Variants in WDR76 observed in about 807,000 individuals in gnomAD.
WDR76 encodes the protein WD repeat-containing protein 76.
In WDR76, 52 loss-of-function variants were observed where a neutral mutation model predicts 70.2. That is an observed-to-expected ratio of 0.74 (90% CI 0.59 to 0.93). The LOEUF (loss-of-function observed/expected upper bound fraction) is 0.93, where lower values mean the gene tolerates loss of function less well. Ranked by LOEUF, WDR76 falls within the 40% of genes least tolerant of loss-of-function variation. The probability of loss-of-function intolerance (pLI) is 0.00; values close to 1 mark genes in which losing one functional copy is unlikely to be tolerated. For synonymous variants in WDR76, 292 were observed against 271.1 expected, an observed-to-expected ratio of 1.08 and a Z score of -0.76; for missense variants, 756 against 760.2, an observed-to-expected ratio of 0.99 and a Z score of 0.07.
At chr15:43,864,551 T>G (rs1180568404) in intron 12 of WDR76, among the ~76,000 whole-genome samples, 1 of 152,200 alleles carries the variant, frequency 6.6e-6, no homozygotes, top group Non-Finnish European at 1.5e-5. Context: ...TATCGTCTTT[T>G]GAGAAGTGTG....
intron 9 of WDR76, among the ~76,000 whole-genome samples, chr15:43,851,575 T>A (rs748049369): frequency 3.3e-5 from 5 of 152,222 alleles, no homozygotes; most frequent in Non-Finnish European, 4.4e-5. Flanking sequence ...GCTTGTTAAA[T>A]TTCTTTTTTT....
intron 10 of WDR76, chr15:43,857,594 C>G (rs534203691): frequency 1.1e-6 from 1 of 913,698 alleles, no homozygotes; most frequent in African/African-American, 1.8e-5. Context: ...CTGAGGCAGG[C>G]AGATCACTTG....
rs774216890 is a variant in WDR76, at chr15:43,858,742, A to T, written c.1481A>T (p.His494Leu). The T allele has an allele frequency of 3.5e-5, 56 of 1,614,124 alleles. No individual in the cohort carries two copies. Among genetic ancestry groups the T allele is most frequent in the Non-Finnish European group, 4.4e-5 (52 of 1,180,048 alleles). Residue 494 changes from histidine to leucine, a missense_variant, in exon 11 of 13, where the codon CAT (histidine) becomes CTT (leucine). His to Leu is a moderately conservative substitution (Grantham distance 99). Coordinates refer to ENST00000263795, the MANE Select transcript of WDR76 (RefSeq NM_024908.4). ...RSQPLISLTE[H>L]TKSIASAYFS... ...CAGCCTTTGATTTCTTTGACTGAAC[A>T]TACAAAGAGCATTGCTTCCGCCTAT...
intron 11 of WDR76, 144 bp from the exon 12 acceptor site, chr15:43,861,188 TA>T: frequency 1.4e-6 from 1 of 731,444 alleles, no homozygotes. Flanking sequence ...CATGGGCCTC[TA>T]AACCCGGCCT....
chr15:43,830,227 TA>T (rs756630471), intron 2 of WDR76, among the ~76,000 whole-genome samples: 20 of 152,194 alleles, frequency 1.3e-4, no homozygotes, highest in Non-Finnish European at 2.8e-4. Flanking sequence ...TGCACTTTGA[TA>T]ACCACTGGAT....
rs534839630 is a variant in WDR76, at chr15:43,828,130, A to T, written c.226A>T (p.Asn76Tyr). 3.1e-6 allele frequency: 5 copies of T among 1,614,116 alleles called. No homozygotes were observed. In the African/African-American group the frequency reaches 4.0e-5, roughly 13 times the overall value. Residue 76 changes from asparagine to tyrosine, a missense_variant, in exon 2 of 13, where the codon AAC becomes TAC. By Grantham distance (143) the Asn-to-Tyr change is moderately radical. Coordinates refer to ENST00000263795, the MANE Select transcript of WDR76 (RefSeq NM_024908.4). ...CPKSLSEKNS[N>Y]NEVACKKTKI... The stretch of plus-strand genomic sequence containing the variant: ...CAAATCCCTATCAGAAAAGAATTCT[A>T]ACAATGAAGTGGCGTGTAAGAAGAC...
chr15:43,846,118 G>C (rs2087785295), intron 8 of WDR76, among the ~76,000 whole-genome samples: 1 of 149,816 alleles, frequency 6.7e-6, no homozygotes. Context: ...CTTTTGCAGA[G>C]AAGTTAAAAG....
chr15:43,828,058 GC>G lies in WDR76; in HGVS notation c.159del (p.Ser55HisfsTer7). 1.9e-6 allele frequency: 3 copies of G among 1,614,112 alleles called. No homozygotes were observed. The highest frequency in any genetic ancestry group is 2.5e-6 in the Non-Finnish European group (3 of 1,180,026). ...AATAAAAACAGCTAAGGTCTATCTT[GC>G]CCCCTTTTCACTCAGTAATTACCAG... is the stretch of plus-strand genomic sequence containing the variant. ...VLIKTAKVYLAPFSLSNYQLD... is the reference protein window; with the variant it reads ...VLIKTAKVYLXPFSLSNYQLD... On this transcript the variant is annotated frameshift_variant, in exon 2 of 13. Transcript: ENST00000263795. LOFTEE classifies it high-confidence loss of function.
chr15:43,854,268 T>C (rs868258360), intron 9 of WDR76, among the ~76,000 whole-genome samples: 1 of 152,222 alleles, frequency 6.6e-6, no homozygotes. Context: ...CAAGCATTAT[T>C]TGCAATAATA....
intron 3 of WDR76, among the ~76,000 whole-genome samples, chr15:43,835,375 G>C: frequency 7.0e-6 from 1 of 142,778 alleles, no homozygotes; most frequent in Non-Finnish European, 1.5e-5. Flanking sequence ...TGGAGTCCTA[G>C]CTACTGGGGT....
chr15:43,835,960 C>CT (rs373992407), intron 3 of WDR76, among the ~76,000 whole-genome samples: 2,875 of 136,960 alleles, frequency 0.021, 32 homozygotes, highest in Middle Eastern at 0.032. Flanking sequence ...CCTGGCCTGT[C>CT]TTTTTTTTTT....
At chr15:43,860,846 T>C (rs1329003099) in intron 11 of WDR76, among the ~76,000 whole-genome samples, 1 of 151,816 alleles carries the variant, frequency 6.6e-6, no homozygotes, top group Non-Finnish European at 1.5e-5. Flanking sequence ...TGACTTATTT[T>C]ATAAAACGTC....
intron 5 of WDR76, among the ~76,000 whole-genome samples, chr15:43,841,664 A>C (rs192032611): frequency 4.7e-4 from 71 of 152,094 alleles, no homozygotes; most frequent in African/African-American, 1.7e-3. Flanking sequence ...ATTCTCATTC[A>C]CTACAACAAA....
At chr15:43,847,356 G>A (rs1477103350) in intron 8 of WDR76, among the ~76,000 whole-genome samples, 2 of 151,864 alleles carry the variant, frequency 1.3e-5, no homozygotes, top group East Asian at 3.9e-4. Flanking sequence ...TGCCTCCTGG[G>A]TTCAGGTGAT....
At chr15:43,854,950 CA>C (rs535509405) in intron 9 of WDR76, among the ~76,000 whole-genome samples, 4,471 of 97,078 alleles carry the variant, frequency 0.046, 122 homozygotes, top group Admixed American at 0.13. Context: ...GACTCCATCT[CA>C]AAAAAAAAAA....
chr15:43,858,268 G>T (rs1965794), intron 10 of WDR76, among the ~76,000 whole-genome samples: 27,437 of 147,130 alleles, frequency 0.19, 3,762 homozygotes, highest in African/African-American at 0.38. Flanking sequence ...TTGTTTGTTT[G>T]TTTGAAATGG....
intron 2 of WDR76, among the ~76,000 whole-genome samples, chr15:43,831,146 G>T (rs1053072462): frequency 6.6e-6 from 1 of 151,920 alleles, no homozygotes; most frequent in African/African-American, 2.4e-5. Flanking sequence ...TGGGAGAATC[G>T]CTTGAACCTA....
chr15:43,859,878 A>T (rs1315026740), intron 11 of WDR76, among the ~76,000 whole-genome samples: 3 of 152,200 alleles, frequency 2.0e-5, no homozygotes, highest in East Asian at 1.9e-4. Context: ...GAAGAGAAGG[A>T]GGTGGTGATG....
chr15:43,834,182 C>T (rs1286784507), intron 2 of WDR76, among the ~76,000 whole-genome samples: 1 of 151,756 alleles, frequency 6.6e-6, no homozygotes. Context: ...CCTTATATCT[C>T]AGGGTTTTAA....
Sources: gnomAD v4.1 joint callset for allele counts (sites outside exome capture counted in the v4.1 genomes callset) on GRCh38, gnomAD v4.1.1 for gene constraint, MANE v1.5 for transcripts, NCBI Gene and HGNC (gene_info 2026-07-23, HGNC 2026-07-21) for gene names.